The following RANBP2 variants were observed in gnomAD, a reference collection of about 807,000 sequenced individuals.
RANBP2 encodes the protein E3 SUMO-protein ligase RanBP2.
A neutral mutation model predicts 303.6 loss-of-function variants in RANBP2; 57 were observed. The ratio of observed to expected loss-of-function variants is 0.19; its 90% CI spans 0.15 to 0.23. RANBP2 has a LOEUF of 0.23. Ranked by LOEUF, RANBP2 falls within the 10% of genes least tolerant of loss-of-function variation. RANBP2 has a pLI of 1.00. For missense variants in RANBP2, 3,138 were observed against 3,780.8 expected (o/e 0.83, Z 4.46); for synonymous variants, 1,167 against 1,301.5 (o/e 0.90, Z 2.23).
intron 6 of RANBP2, among the ~76,000 whole-genome samples, chr2:108,740,100 T>G (rs1695954837): frequency 6.6e-6 from 1 of 152,222 alleles, no homozygotes. Context: ...AATTTGGAAA[T>G]GGTATGTCTA....
chr2:108,780,822 G>C (rs1009366168), intron 25 of RANBP2, among the ~76,000 whole-genome samples: 2 of 151,906 alleles, frequency 1.3e-5, no homozygotes, highest in Admixed American at 1.3e-4. Context: ...CGATTCTCCT[G>C]CCCCAGCCTC....
chr2:108,804,744 C>T, the RANBP2 span: 1 of 570,590 alleles, frequency 1.8e-6, no homozygotes, highest in East Asian at 3.2e-5. Flanking sequence ...AATTACTTGC[C>T]ACACTAGTCA....
At chr2:109,052,149 A>C in the RANBP2 span, among the ~76,000 whole-genome samples, 4 of 152,232 alleles carry the variant, frequency 2.6e-5, no homozygotes, top group Non-Finnish European at 5.9e-5. Flanking sequence ...GAAGGCATGT[A>C]TATCCACTTC....
chr2:109,658,270 A>G, the RANBP2 span, among the ~76,000 whole-genome samples: 4 of 151,268 alleles, frequency 2.6e-5, no homozygotes, highest in African/African-American at 7.3e-5. Context: ...AGATGGTGAA[A>G]CCCTGTCTCT....
chr2:109,198,946 A>G, the RANBP2 span, among the ~76,000 whole-genome samples: 43 of 152,300 alleles, frequency 2.8e-4, no homozygotes, highest in East Asian at 7.9e-3. Flanking sequence ...ATACAGTCTT[A>G]TGGGACCCCA....
chr2:109,263,368 A>C, the RANBP2 span, among the ~76,000 whole-genome samples: 1 of 152,094 alleles, frequency 6.6e-6, no homozygotes, highest in African/African-American at 2.4e-5. Context: ...GTATATCTGG[A>C]ATGTGTTTAT....
At chr2:108,960,573 C>T in the RANBP2 span, among the ~76,000 whole-genome samples, 63 of 152,320 alleles carry the variant, frequency 4.1e-4, no homozygotes, top group South Asian at 1.7e-3. Context: ...ACTTCCACCA[C>T]GCTGGCTCTG....
chr2:109,748,598 C>T, the RANBP2 span, among the ~76,000 whole-genome samples: 1 of 112,164 alleles, frequency 8.9e-6, no homozygotes, highest in Admixed American at 1.0e-4. Flanking sequence ...TTAGGCCGGG[C>T]GCAGTGGCTC....
At chr2:108,963,414 C>T in the RANBP2 span, among the ~76,000 whole-genome samples, 3 of 152,122 alleles carry the variant, frequency 2.0e-5, no homozygotes, top group Non-Finnish European at 4.4e-5. Flanking sequence ...AAAAACTGCA[C>T]AAGGACATTT....
chr2:109,132,663 T>A, the RANBP2 span, among the ~76,000 whole-genome samples: 1 of 152,256 alleles, frequency 6.6e-6, no homozygotes, highest in Non-Finnish European at 1.5e-5. Context: ...TGTTCATATG[T>A]GTTACTTCTT....
the RANBP2 span, among the ~76,000 whole-genome samples, chr2:109,722,345 CG>C: frequency 6.6e-6 from 1 of 152,182 alleles, no homozygotes; most frequent in African/African-American, 2.4e-5. Flanking sequence ...GGCACTGCTC[CG>C]GCTCAGTGTG....
chr2:109,112,728 T>C, the RANBP2 span, among the ~76,000 whole-genome samples: 12 of 152,352 alleles, frequency 7.9e-5, no homozygotes, highest in African/African-American at 2.6e-4. Flanking sequence ...TCCTGAGTGG[T>C]AATGCTTAGG....
chr2:109,341,738 G>A, the RANBP2 span, among the ~76,000 whole-genome samples: 101 of 152,278 alleles, frequency 6.6e-4, no homozygotes, highest in Non-Finnish European at 8.8e-5. Context: ...CATGCAGCCC[G>A]TGGGAAGGCA....
At chr2:109,443,978 T>G in the RANBP2 span, among the ~76,000 whole-genome samples, 3 of 152,208 alleles carry the variant, frequency 2.0e-5, no homozygotes, top group Non-Finnish European at 4.4e-5. Context: ...CTGAGATAGA[T>G]TATGTACTGG....
the RANBP2 span, among the ~76,000 whole-genome samples, chr2:109,292,347 A>G: frequency 6.6e-6 from 1 of 152,216 alleles, no homozygotes; most frequent in African/African-American, 2.4e-5. Context: ...TTGTTTTTCA[A>G]ACATGGCTGG....
the RANBP2 span, among the ~76,000 whole-genome samples, chr2:108,894,118 AC>A: frequency 6.6e-6 from 1 of 151,828 alleles, no homozygotes. Context: ...CCCCCTACTA[AC>A]CCCCGAGCTA....
At chr2:108,816,527 G>A in the RANBP2 span, among the ~76,000 whole-genome samples, 1 of 121,380 alleles carries the variant, frequency 8.2e-6, no homozygotes, top group East Asian at 2.8e-4. Flanking sequence ...GCAGAGTCCA[G>A]AGGTGATGCA....
chr2:108,808,422 T>TG, the RANBP2 span, among the ~76,000 whole-genome samples: 1 of 152,206 alleles, frequency 6.6e-6, no homozygotes, highest in African/African-American at 2.4e-5. Context: ...TTCGTTTTTT[T>TG]GGGAACCTGA....
chr2:109,630,980 C>A, the RANBP2 span, among the ~76,000 whole-genome samples: 1 of 152,118 alleles, frequency 6.6e-6, no homozygotes, highest in Non-Finnish European at 1.5e-5. Context: ...GCAGGAGAAC[C>A]ACTTGAACCC....
Sources: gnomAD v4.1 joint callset for allele counts (sites outside exome capture counted in the v4.1 genomes callset) on GRCh38, gnomAD v4.1.1 for gene constraint, MANE v1.5 for transcripts, NCBI Gene and HGNC (gene_info 2026-07-23, HGNC 2026-07-21) for gene names.